Variants in TMEM131 observed in about 807,000 individuals in gnomAD.
TMEM131 encodes the protein transmembrane protein 131.
A neutral mutation model predicts 211.6 loss-of-function variants in TMEM131; 66 were observed. The ratio of observed to expected loss-of-function variants is 0.31; its 90% CI spans 0.26 to 0.38. The LOEUF is 0.38. Ranked by LOEUF, TMEM131 falls within the 10% of genes least tolerant of loss-of-function variation. TMEM131 has a pLI of 1.00. For missense variants in TMEM131, 2,036 were observed against 2,299.3 expected (o/e 0.89, Z 2.34); for synonymous variants, 844 against 841.3 (o/e 1.00, Z -0.06).
chr2:97,921,075 T>C (rs973974708), intron 2 of TMEM131, among the ~76,000 whole-genome samples: 35 of 151,452 alleles, frequency 2.3e-4, no homozygotes, highest in Non-Finnish European at 1.8e-4. Context: ...CTGAGAAGAA[T>C]AACAAAGTGT....
intron 4 of TMEM131, among the ~76,000 whole-genome samples, chr2:97,878,969 T>C (rs115380955): frequency 0.028 from 4,230 of 152,194 alleles, 65 homozygotes; most frequent in Middle Eastern, 0.065. Flanking sequence ...ATTCGGTGAG[T>C]ACAATAAACT....
intron 12 of TMEM131, among the ~76,000 whole-genome samples, chr2:97,816,358 AAAAT>A (rs1339382315): frequency 2.6e-5 from 4 of 152,194 alleles, no homozygotes; most frequent in Admixed American, 1.3e-4. Context: ...CAAAAATTAA[AAAAT>A]AAATAAATAA....
chr2:97,891,088 G>A (rs1437478065), intron 3 of TMEM131, among the ~76,000 whole-genome samples: 2 of 152,186 alleles, frequency 1.3e-5, no homozygotes, highest in East Asian at 3.9e-4. Flanking sequence ...CTCCACAGCT[G>A]ATTCAAATGG....
At position 97,873,804 on chromosome 2, in the gene TMEM131, A is replaced by C. The variant is rs572227332; in HGVS notation, c.359+14248T>G. Among the ~76,000 whole-genome samples, 78 of 152,334 alleles carry C rather than the reference A, an allele frequency of 5.1e-4. 1 individual carries two copies. Among genetic ancestry groups the C allele is most frequent in the African/African-American group, 1.8e-3 (74 of 41,580 alleles). On this transcript the variant is annotated intron_variant, in intron 4 of 40. Coordinates refer to ENST00000186436, the MANE Select transcript of TMEM131 (RefSeq NM_015348.2). ...AAGGCTGAAAATTCCAAAAATCAGA[A>C]GGTCTCTTCTCCTCCAAAGATCACA...
At chr2:97,896,717 T>C (rs1326712225) in intron 3 of TMEM131, among the ~76,000 whole-genome samples, 2 of 152,070 alleles carry the variant, frequency 1.3e-5, no homozygotes, top group Non-Finnish European at 2.9e-5. Flanking sequence ...TGCCATTGAA[T>C]TACCTTGACA....
At chr2:97,770,980 A>G (rs1032273060) in intron 33 of TMEM131, among the ~76,000 whole-genome samples, 9 of 152,228 alleles carry the variant, frequency 5.9e-5, no homozygotes, top group Non-Finnish European at 1.2e-4. Context: ...CTAGTAGCCC[A>G]GTGTTATTCC....
At chr2:97,860,998 G>T (rs1295863978) in intron 4 of TMEM131, among the ~76,000 whole-genome samples, 1 of 152,160 alleles carries the variant, frequency 6.6e-6, no homozygotes. Flanking sequence ...GAGGGACAGT[G>T]CAGCGACTGT....
intron 11 of TMEM131, among the ~76,000 whole-genome samples, chr2:97,826,364 A>G (rs1682382387): frequency 6.6e-6 from 1 of 152,258 alleles, no homozygotes; most frequent in Admixed American, 6.5e-5. Flanking sequence ...ATATGGAAAG[A>G]AAGGGAGTTC....
At chr2:97,818,561 T>C in intron 12 of TMEM131, 52 bp downstream of exon 12, 2 of 1,227,664 alleles carry the variant, frequency 1.6e-6, no homozygotes, top group Non-Finnish European at 2.3e-6. Flanking sequence ...AGATGCTTTC[T>C]AGTTTATCAA....
intron 39 of TMEM131, chr2:97,759,331 T>G: frequency 1.8e-6 from 1 of 542,266 alleles, no homozygotes; most frequent in Non-Finnish European, 3.3e-6. Context: ...TGACCTCTAG[T>G]TCTGGACAGC....
rs1680485002 is a variant in TMEM131, at chr2:97,995,766, G to A, written c.-104C>T. ...GTCCGGGCTCTGGCCGCGGCGCCGG[G>A]AGCGACAACGGTTGCGAGCCCGGGG... On this transcript the variant is annotated 5_prime_UTR_variant, in exon 1 of 41. Coordinates refer to ENST00000186436, the MANE Select transcript of TMEM131 (RefSeq NM_015348.2). 1 of 894,218 alleles carries A rather than the reference G, an allele frequency of 1.1e-6. No homozygotes were observed. The highest frequency in any genetic ancestry group is 1.4e-6 in the Non-Finnish European group (1 of 712,210). The allele number at this position is 894,218 out of a possible 1,614,324, so 55.4% of individuals were successfully genotyped here. A position where few individuals can be genotyped will look rare whatever the true frequency, so the allele number is the denominator to read the frequency against.
intron 32 of TMEM131, among the ~76,000 whole-genome samples, chr2:97,774,493 T>C (rs778613068): frequency 6.6e-5 from 10 of 152,064 alleles, no homozygotes; most frequent in Non-Finnish European, 1.3e-4. Context: ...GAATAACTCG[T>C]TGGAGGGGAC....
Position 97,756,896 on chromosome 2 carries a change from C to A in TMEM131, c.*203G>T. 1 of 566,396 alleles carries A rather than the reference C, an allele frequency of 1.8e-6. No individual in the cohort carries two copies. The highest frequency in any genetic ancestry group is 3.4e-5 in the South Asian group (1 of 29,714). 35.1% of individuals were successfully genotyped at this position (566,396 alleles called of 1,614,324 possible). ...GAGTCCAGACTTTTCTCTAAAAGCACAACAGCAAATCTCATGTTATCATAA... is the reference window on the plus strand; with the variant it reads ...GAGTCCAGACTTTTCTCTAAAAGCAAAACAGCAAATCTCATGTTATCATAA... On this transcript the variant is annotated 3_prime_UTR_variant, in exon 41 of 41. Coordinates refer to ENST00000186436, the MANE Select transcript of TMEM131 (RefSeq NM_015348.2).
At chr2:97,763,415 CCT>C (rs1207127347) in intron 35 of TMEM131, 2 of 152,786 alleles carry the variant, frequency 1.3e-5, no homozygotes, top group African/African-American at 4.8e-5. Flanking sequence ...GACTCACGGT[CCT>C]GTCTCCCACC....
At chr2:97,988,613 C>T (rs929490629) in intron 1 of TMEM131, among the ~76,000 whole-genome samples, 18 of 152,044 alleles carry the variant, frequency 1.2e-4, no homozygotes, top group Admixed American at 6.5e-5. Context: ...GGGCAAAGGA[C>T]GTGAATAGAC....
At chr2:97,879,786 C>T (rs906335991) in intron 4 of TMEM131, among the ~76,000 whole-genome samples, 3 of 152,082 alleles carry the variant, frequency 2.0e-5, no homozygotes, top group Non-Finnish European at 2.9e-5. Context: ...CATATAATGC[C>T]TATTACATAC....
At chr2:97,820,132 C>T (rs1682042365) in intron 11 of TMEM131, among the ~76,000 whole-genome samples, 1 of 152,258 alleles carries the variant, frequency 6.6e-6, no homozygotes, top group African/African-American at 2.4e-5. Flanking sequence ...CTGTGGACCT[C>T]AGGCTCTCTT....
chr2:97,870,744 A>G (rs1192329004), intron 4 of TMEM131, among the ~76,000 whole-genome samples: 1 of 152,202 alleles, frequency 6.6e-6, no homozygotes, highest in African/African-American at 2.4e-5. Flanking sequence ...GTGACACAGC[A>G]CTCTGTTAAG....
intron 1 of TMEM131, among the ~76,000 whole-genome samples, chr2:97,972,008 G>A (rs1212817623): frequency 1.3e-5 from 2 of 152,142 alleles, no homozygotes; most frequent in Non-Finnish European, 2.9e-5. Flanking sequence ...AGGAGTTTGA[G>A]ACCAGCATGG....
Sources: gnomAD v4.1 joint callset for allele counts (sites outside exome capture counted in the v4.1 genomes callset) on GRCh38, gnomAD v4.1.1 for gene constraint, MANE v1.5 for transcripts, NCBI Gene and HGNC (gene_info 2026-07-23, HGNC 2026-07-21) for gene names.